SLCO3A1: variants seen among roughly 807,000 people sequenced by gnomAD.
The protein encoded by SLCO3A1 is PGE1 transporter.
A neutral mutation model predicts 63.1 loss-of-function variants in SLCO3A1; 27 were observed. The observed-to-expected ratio is 0.43, with a 90% CI of 0.32 to 0.59. SLCO3A1 has a LOEUF of 0.59. SLCO3A1 is among the 20% of genes least tolerant of loss of function. The pLI is 0.09. For synonymous variants in SLCO3A1, 473 were observed against 409.9 expected, an observed-to-expected ratio of 1.15 and a Z score of -1.86; for missense variants, 773 against 945.8, an observed-to-expected ratio of 0.82 and a Z score of 2.40.
At chr15:92,097,655 C>T (rs998939869) in intron 3 of SLCO3A1, among the ~76,000 whole-genome samples, 5 of 152,308 alleles carry the variant, frequency 3.3e-5, no homozygotes, top group Admixed American at 6.5e-5. Context: ...AAGTTGATAG[C>T]GGACTTCCCT....
chr15:91,946,665 G>A (rs1279351658), intron 2 of SLCO3A1, among the ~76,000 whole-genome samples: 1 of 152,182 alleles, frequency 6.6e-6, no homozygotes, highest in Non-Finnish European at 1.5e-5. Context: ...TTAAGGAGAA[G>A]GACTTGGGAG....
intron 9 of SLCO3A1, among the ~76,000 whole-genome samples, chr15:92,156,653 G>A (rs1240795897): frequency 6.6e-6 from 1 of 152,258 alleles, no homozygotes; most frequent in African/African-American, 2.4e-5. Flanking sequence ...CATTGCTGAA[G>A]CAGAGAACTC....
chr15:91,931,725 C>T (rs1395585776), intron 2 of SLCO3A1, among the ~76,000 whole-genome samples: 4 of 151,490 alleles, frequency 2.6e-5, no homozygotes, highest in Non-Finnish European at 5.9e-5. Context: ...CCTGCCTCAG[C>T]CTCCCAAAGT....
intron 2 of SLCO3A1, among the ~76,000 whole-genome samples, chr15:92,039,688 C>G (rs1208533263): frequency 1.3e-5 from 2 of 152,114 alleles, no homozygotes; most frequent in African/African-American, 4.8e-5. Context: ...CCAGAAATAC[C>G]ACATGACCCA....
chr15:92,111,395 T>TA (rs1279953779), intron 4 of SLCO3A1, among the ~76,000 whole-genome samples: 1 of 152,230 alleles, frequency 6.6e-6, no homozygotes, highest in East Asian at 1.9e-4. Context: ...CACTTTTTTT[T>TA]AATCATGCAC....
At chr15:91,929,541 T>C (rs1899149173) in intron 2 of SLCO3A1, among the ~76,000 whole-genome samples, 1 of 152,196 alleles carries the variant, frequency 6.6e-6, no homozygotes, top group South Asian at 2.1e-4. Context: ...TTAAAAAAGT[T>C]GTAAATTTTG....
At chr15:92,063,222 A>T (rs148042158) in intron 2 of SLCO3A1, among the ~76,000 whole-genome samples, 4 of 152,314 alleles carry the variant, frequency 2.6e-5, no homozygotes, top group East Asian at 1.9e-4. Flanking sequence ...CTCAGCAAAG[A>T]TGGATGTTTT....
intron 2 of SLCO3A1, among the ~76,000 whole-genome samples, chr15:91,987,742 TAAA>T: frequency 7.2e-6 from 1 of 138,474 alleles, no homozygotes; most frequent in Non-Finnish European, 1.6e-5. Flanking sequence ...AGACTTTGTC[TAAA>T]AAAAAAAAAA....
Position 91,957,364 on chromosome 15 carries a change from C to G in SLCO3A1, c.646+40906C>G, listed in dbSNP as rs376901476. Among the ~76,000 whole-genome samples, 40 of 150,700 alleles carry G rather than the reference C, an allele frequency of 2.7e-4. No individual in the cohort carries two copies. The Middle Eastern group carries it at 0.017, about 64-fold the overall frequency. Reference sequence around the variant, plus strand: ...CAAAAGTACAGGGCAAATCCATTCCCATCACACCTGCAATCAAAGCCTCCG... The same window carrying G: ...CAAAAGTACAGGGCAAATCCATTCCGATCACACCTGCAATCAAAGCCTCCG... On this transcript the variant is annotated intron_variant, in intron 2 of 9. Transcript: ENST00000318445.
intron 1 of SLCO3A1, among the ~76,000 whole-genome samples, chr15:91,903,132 A>C (rs937412043): frequency 2.0e-5 from 3 of 152,260 alleles, no homozygotes. Flanking sequence ...AGCTCATTGG[A>C]TTCTCAGATC....
At chr15:92,157,154 C>G (rs2048380959) in intron 9 of SLCO3A1, 1 of 152,198 alleles carries the variant, frequency 6.6e-6, no homozygotes, top group South Asian at 2.1e-4. Flanking sequence ...CCTGCACATA[C>G]CTTCCTCAGC....
At chr15:91,959,764 A>C (rs1900373505) in intron 2 of SLCO3A1, among the ~76,000 whole-genome samples, 1 of 151,718 alleles carries the variant, frequency 6.6e-6, no homozygotes, top group Non-Finnish European at 1.5e-5. Context: ...AAAAATATAC[A>C]CAGTTCAGTT....
At chr15:91,994,827 A>G (rs1240853062) in intron 2 of SLCO3A1, among the ~76,000 whole-genome samples, 7 of 152,140 alleles carry the variant, frequency 4.6e-5, no homozygotes, top group Non-Finnish European at 1.0e-4. Flanking sequence ...ATCACCACTG[A>G]TGGGGAACTC....
intron 2 of SLCO3A1, among the ~76,000 whole-genome samples, chr15:91,923,111 C>A (rs939019487): frequency 1.3e-5 from 2 of 152,176 alleles, no homozygotes; most frequent in African/African-American, 4.8e-5. Flanking sequence ...GATGAGTTTC[C>A]AATTGCCCTG....
At position 91,863,485 on chromosome 15, in the gene SLCO3A1, G is replaced by A. The variant is rs1897095565; in HGVS notation, c.180+9397G>A. ...CTTTGGCCGTTTCATTTCTCAGAGT[G>A]CTGCTGTGATAGCACTTGGAATTTA... On this transcript the variant is annotated intron_variant, in intron 1 of 9. Transcript: ENST00000318445. This position sits in a 1 kb window ranked among gnomAD's most constrained non-coding sequence, Gnocchi z 4.3. 6.6e-6 allele frequency among the ~76,000 whole-genome samples: 1 copy of A among 152,236 alleles called. No homozygotes were observed. Among genetic ancestry groups the A allele is most frequent in the South Asian group, 2.1e-4 (1 of 4,836 alleles).
At chr15:92,077,710 A>G (rs879404066) in intron 2 of SLCO3A1, among the ~76,000 whole-genome samples, 13 of 152,334 alleles carry the variant, frequency 8.5e-5, no homozygotes, top group Admixed American at 7.2e-4. Context: ...TGTCTCCCTC[A>G]GGACCCTGGG....
At chr15:91,876,500 G>C (rs1897401812) in intron 1 of SLCO3A1, among the ~76,000 whole-genome samples, 1 of 152,210 alleles carries the variant, frequency 6.6e-6, no homozygotes, top group African/African-American at 2.4e-5. Flanking sequence ...ATGAGCAGGG[G>C]TCAAGCAGGT....
At chr15:92,112,032 T>C (rs207959) in intron 4 of SLCO3A1, among the ~76,000 whole-genome samples, 111,172 of 152,106 alleles carry the variant, frequency 0.73, 41,019 homozygotes, top group Admixed American at 0.83. Flanking sequence ...GAGTAGAAAG[T>C]GGAAAGGCTC....
At chr15:91,980,352 C>T (rs1316132598) in intron 2 of SLCO3A1, among the ~76,000 whole-genome samples, 1 of 151,644 alleles carries the variant, frequency 6.6e-6, no homozygotes, top group African/African-American at 2.4e-5. Flanking sequence ...CGTTAAGGGG[C>T]TCACCATCTT....
Sources: allele counts gnomAD v4.1 joint callset (sites outside exome capture counted in the v4.1 genomes callset), GRCh38; gene constraint gnomAD v4.1.1; non-coding constraint Gnocchi (gnomAD v3.1); transcripts MANE v1.5; gene names NCBI Gene and HGNC (gene_info 2026-07-23, HGNC 2026-07-21).